Variants in JAM2 observed in about 807,000 individuals in gnomAD.
The protein encoded by JAM2 is junctional adhesion molecule B.
Under a neutral mutation model 42.0 loss-of-function variants are expected in JAM2, and 17 were observed. The ratio of observed to expected loss-of-function variants is 0.40; its 90% CI spans 0.28 to 0.61. The LOEUF (loss-of-function observed/expected upper bound fraction) is 0.61. JAM2 is among the 20% of genes least tolerant of loss of function. The probability of loss-of-function intolerance (pLI) is 0.37; values close to 1 mark genes in which losing one functional copy is unlikely to be tolerated. For synonymous variants in JAM2, 118 were observed against 128.6 expected (o/e 0.92, Z 0.56); for missense variants, 319 against 358.3 (o/e 0.89, Z 0.89).
intron 1 of JAM2, among the ~76,000 whole-genome samples, chr21:25,667,947 AAAGGTGAGCTG>A (rs1215580819): frequency 1.3e-5 from 2 of 152,200 alleles, no homozygotes; most frequent in Non-Finnish European, 2.9e-5. Flanking sequence ...GTCGAAGGGG[AAAGGTGAGCTG>A]AAGGTGAGCT....
At chr21:25,704,186 T>C (rs76522336) in intron 6 of JAM2, among the ~76,000 whole-genome samples, 3,660 of 152,216 alleles carry the variant, frequency 0.024, 64 homozygotes, top group Non-Finnish European at 0.033. Context: ...CTGATTTGAC[T>C]TTGCCTAAGA....
chr21:25,648,542 CTGT>C (rs1286208966), intron 1 of JAM2, among the ~76,000 whole-genome samples: 13 of 152,056 alleles, frequency 8.5e-5, no homozygotes, highest in African/African-American at 3.1e-4. Flanking sequence ...CCATTCATCT[CTGT>C]TGTTGTTGCT....
chr21:25,655,131 C>T (rs1016860690), intron 1 of JAM2, among the ~76,000 whole-genome samples: 1 of 152,074 alleles, frequency 6.6e-6, no homozygotes, highest in East Asian at 1.9e-4. Context: ...GTAATAAAGA[C>T]AATTATTTGA....
chr21:25,654,922 C>G (rs2032888633), intron 1 of JAM2, among the ~76,000 whole-genome samples: 1 of 152,114 alleles, frequency 6.6e-6, no homozygotes, highest in Admixed American at 6.5e-5. Flanking sequence ...GAGGAAAGAG[C>G]AGGTCGGTGC....
At chr21:25,697,738 CA>C (rs2034069421) in intron 4 of JAM2, among the ~76,000 whole-genome samples, 1 of 151,896 alleles carries the variant, frequency 6.6e-6, no homozygotes, top group African/African-American at 2.4e-5. Context: ...CCTGTCTATA[CA>C]AAAACAGTTT....
intron 1 of JAM2, among the ~76,000 whole-genome samples, chr21:25,667,230 G>T (rs2033246044): frequency 6.6e-6 from 1 of 152,166 alleles, no homozygotes; most frequent in African/African-American, 2.4e-5. Flanking sequence ...CCACCTGTTA[G>T]TCACTGATAT....
At chr21:25,681,680 T>TC (rs965691650) in intron 1 of JAM2, among the ~76,000 whole-genome samples, 54 of 152,310 alleles carry the variant, frequency 3.5e-4, no homozygotes, top group Middle Eastern at 3.4e-3. Context: ...TACAATACTT[T>TC]CCCCAAAGAA....
chr21:25,650,386 G>A (rs1368487382), intron 1 of JAM2, among the ~76,000 whole-genome samples: 3 of 152,172 alleles, frequency 2.0e-5, no homozygotes, highest in Non-Finnish European at 4.4e-5. Context: ...GGATCCAGGT[G>A]AGTCATTGTC....
chr21:25,713,397 C>A (rs755240908), intron 9 of JAM2, among the ~76,000 whole-genome samples: 4 of 152,064 alleles, frequency 2.6e-5, no homozygotes, highest in Admixed American at 2.6e-4. Context: ...GGATATTCAG[C>A]CTTCTGGATG....
chr21:25,698,743 G>C lies in JAM2; in HGVS notation c.461G>C (p.Arg154Pro). Residue 154 changes from arginine to proline, a missense_variant, in exon 5 of 10, where the codon CGA becomes CCA. Arg to Pro is a moderately radical substitution (Grantham distance 103). Coordinates refer to ENST00000480456, the MANE Select transcript of JAM2 (RefSeq NM_021219.4). ...SALSGTVVEL[R>P]CQDKEGNPAP... is the part of the protein sequence containing the mutation. ...CTGAGTGGAACTGTGGTAGAGCTAC[G>C]ATGTCAAGACAAAGAAGGGAATCCA... 3.7e-6 allele frequency: 6 copies of C among 1,614,094 alleles called. No homozygotes were observed. The highest frequency in any genetic ancestry group is 5.1e-6 in the Non-Finnish European group (6 of 1,180,000).
chr21:25,676,146 G>C lies in JAM2; in HGVS notation c.68-7737G>C, dbSNP rs908716490. ...CTACTAAAAATACAAAAATTAGCCA[G>C]GTGTGGTGGCACATGCCTGTAGTCC... On this transcript the variant is annotated intron_variant, in intron 1 of 9. Transcript: ENST00000480456. Among the ~76,000 whole-genome samples, 12 of 151,978 alleles carry C rather than the reference G, an allele frequency of 7.9e-5. No individual in the cohort carries two copies. In the East Asian group the frequency reaches 2.3e-3, roughly 29 times the overall value.
chr21:25,672,805 T>C (rs1468762959), intron 1 of JAM2, among the ~76,000 whole-genome samples: 2 of 152,224 alleles, frequency 1.3e-5, no homozygotes, highest in Non-Finnish European at 2.9e-5. Flanking sequence ...ATCTTTCATA[T>C]TCTTCTACTA....
chr21:25,673,900 A>G lies in JAM2; in HGVS notation c.68-9983A>G, dbSNP rs1454995827. 5.3e-5 allele frequency among the ~76,000 whole-genome samples: 8 copies of G among 152,338 alleles called. No individual in the cohort carries two copies. The South Asian group carries it at 6.2e-4, about 12-fold the overall frequency. ...TGGGAGATAAGTGAATCATGAGGGCAGTTTCCCCCATACTGTTTTCATTGT... is the reference window on the plus strand; with the variant it reads ...TGGGAGATAAGTGAATCATGAGGGCGGTTTCCCCCATACTGTTTTCATTGT... On this transcript the variant is annotated intron_variant, in intron 1 of 9. Coordinates refer to ENST00000480456, the MANE Select transcript of JAM2 (RefSeq NM_021219.4).
intron 1 of JAM2, among the ~76,000 whole-genome samples, chr21:25,672,424 C>T (rs1315559173): frequency 6.6e-6 from 1 of 152,298 alleles, no homozygotes; most frequent in African/African-American, 2.4e-5. Flanking sequence ...TCAGTTTTAA[C>T]CACTTGCCCA....
chr21:25,697,759 G>A (rs755737091), intron 4 of JAM2, among the ~76,000 whole-genome samples: 1 of 152,120 alleles, frequency 6.6e-6, no homozygotes, highest in Non-Finnish European at 1.5e-5. Flanking sequence ...TTAAAAATTA[G>A]CTGGTCGTGG....
At chr21:25,708,587 C>A (rs1042403706) in intron 7 of JAM2, among the ~76,000 whole-genome samples, 2 of 152,194 alleles carry the variant, frequency 1.3e-5, no homozygotes, top group Admixed American at 6.5e-5. Context: ...ACAAAAAGAG[C>A]GGCTCTGTCA....
chr21:25,671,152 G>C (rs2033350508), intron 1 of JAM2, among the ~76,000 whole-genome samples: 1 of 152,180 alleles, frequency 6.6e-6, no homozygotes, highest in Non-Finnish European at 1.5e-5. Context: ...TATTTTAAAG[G>C]CTGAATATCA....
At chr21:25,646,561 G>A (rs867744695) in intron 1 of JAM2, among the ~76,000 whole-genome samples, 27 of 151,136 alleles carry the variant, frequency 1.8e-4, no homozygotes, top group Middle Eastern at 3.2e-3. Flanking sequence ...TGCATGCATC[G>A]GGTGTGGGGG....
chr21:25,712,620 G>A (rs759246242), intron 9 of JAM2, among the ~76,000 whole-genome samples: 1 of 152,128 alleles, frequency 6.6e-6, no homozygotes, highest in Non-Finnish European at 1.5e-5. Context: ...ATCATTATTT[G>A]TTTCATGGTA....
Sources: allele counts gnomAD v4.1 joint callset (sites outside exome capture counted in the v4.1 genomes callset), GRCh38; gene constraint gnomAD v4.1.1; transcripts MANE v1.5; gene names NCBI Gene and HGNC (gene_info 2026-07-23, HGNC 2026-07-21).